The following KAZN variants were observed in gnomAD, a reference collection of about 807,000 sequenced individuals.
KAZN encodes the protein kazrin, periplakin interacting protein.
In KAZN, 40 loss-of-function variants were observed where a neutral mutation model predicts 87.4. The observed-to-expected ratio is 0.46, with a 90% CI of 0.36 to 0.60. The LOEUF (loss-of-function observed/expected upper bound fraction) is 0.60. Among genes scored for constraint, KAZN ranks in the 20% least tolerant of loss-of-function variants. The pLI is 0.00. For synonymous variants in KAZN, 466 were observed against 458.3 expected, an observed-to-expected ratio of 1.02 and a Z score of -0.22; for missense variants, 898 against 1,073.9, an observed-to-expected ratio of 0.84 and a Z score of 2.29.
At chr1:14,419,367 A>ATC (rs1665154591) in intron 2 of KAZN, among the ~76,000 whole-genome samples, 1 of 152,074 alleles carries the variant, frequency 6.6e-6, no homozygotes, top group African/African-American at 2.4e-5. Flanking sequence ...GGCCATCCCC[A>ATC]TCTATCTCAT....
chr1:14,044,866 A>G (rs1001771375), intron 1 of KAZN, among the ~76,000 whole-genome samples: 2 of 152,220 alleles, frequency 1.3e-5, no homozygotes, highest in African/African-American at 2.4e-5. Context: ...AAATGATGTT[A>G]TGAGATTTCT....
intron 1 of KAZN, among the ~76,000 whole-genome samples, chr1:14,161,204 G>C (rs1346187446): frequency 6.6e-6 from 1 of 152,208 alleles, no homozygotes; most frequent in Non-Finnish European, 1.5e-5. Flanking sequence ...GCTATCTATT[G>C]CTGTATAAGA....
At chr1:14,344,893 C>T (rs528599472) in intron 2 of KAZN, among the ~76,000 whole-genome samples, 214 of 151,836 alleles carry the variant, frequency 1.4e-3, no homozygotes, top group African/African-American at 4.9e-3. Flanking sequence ...TCAACACAAA[C>T]ACACACCATT....
At chr1:14,863,815 G>C (rs1225256176) in intron 1 of KAZN, among the ~76,000 whole-genome samples, 2 of 152,138 alleles carry the variant, frequency 1.3e-5, no homozygotes, top group South Asian at 4.1e-4. Flanking sequence ...AGTCGGAGTA[G>C]GGGCACAGAG....
intron 1 of KAZN, among the ~76,000 whole-genome samples, chr1:14,844,668 G>C (rs564422036): frequency 2.6e-5 from 4 of 152,332 alleles, no homozygotes; most frequent in African/African-American, 9.6e-5. Context: ...TCAGATGATA[G>C]AGCCCCTTTC....
chr1:14,190,752 C>T (rs1246554627), intron 2 of KAZN, among the ~76,000 whole-genome samples: 3 of 152,110 alleles, frequency 2.0e-5, no homozygotes, highest in Non-Finnish European at 2.9e-5. Context: ...CTGAGTCCCT[C>T]CTAGACTAGC....
At chr1:14,354,996 T>C (rs1441804779) in intron 2 of KAZN, among the ~76,000 whole-genome samples, 1 of 152,022 alleles carries the variant, frequency 6.6e-6, no homozygotes, top group South Asian at 2.1e-4. Flanking sequence ...GTTGATACAA[T>C]GGGATATTAC....
At chr1:14,685,895 C>T (rs929655879) in intron 1 of KAZN, among the ~76,000 whole-genome samples, 4 of 152,078 alleles carry the variant, frequency 2.6e-5, no homozygotes, top group Admixed American at 1.3e-4. Flanking sequence ...ATTCCCATAA[C>T]TCCGTGGGAT....
intron 1 of KAZN, among the ~76,000 whole-genome samples, chr1:14,720,613 G>A (rs541543302): frequency 6.6e-6 from 1 of 152,228 alleles, no homozygotes; most frequent in African/African-American, 2.4e-5. Flanking sequence ...TTAACTTTCT[G>A]TGCAATCTTC....
At chr1:14,883,407 G>GA (rs1354416074) in intron 1 of KAZN, among the ~76,000 whole-genome samples, 1 of 142,068 alleles carries the variant, frequency 7.0e-6, no homozygotes, top group Non-Finnish European at 1.5e-5. Context: ...AAGAAAGAAA[G>GA]AAAGAAAGAA....
At chr1:15,053,309 C>T (rs965443159) in intron 4 of KAZN, among the ~76,000 whole-genome samples, 3 of 152,108 alleles carry the variant, frequency 2.0e-5, no homozygotes, top group Admixed American at 2.0e-4. Context: ...TGTGGGTCTC[C>T]GTGATGCTAG....
At chr1:14,260,966 ATACCTGTAGTAATACATACTCTT>A (rs1386258732) in intron 2 of KAZN, among the ~76,000 whole-genome samples, 3 of 152,230 alleles carry the variant, frequency 2.0e-5, no homozygotes, top group Non-Finnish European at 4.4e-5. Context: ...CACGACAATG[ATACCTGTAGTAATACATACTCTT>A]TACATGTGAA....
chr1:14,145,773 G>C (rs1057321263), intron 1 of KAZN, among the ~76,000 whole-genome samples: 5 of 152,114 alleles, frequency 3.3e-5, no homozygotes, highest in African/African-American at 1.2e-4. Context: ...TAGAGACAGG[G>C]TTTCGCCATG....
At chr1:15,061,916 G>C (rs1297485484) in intron 6 of KAZN, 1 of 152,190 alleles carries the variant, frequency 6.6e-6, no homozygotes, top group African/African-American at 2.4e-5. Context: ...TTGACTAACA[G>C]AACCAAGGCA....
At chr1:14,890,839 A>ATTT (rs1654630602) in intron 1 of KAZN, among the ~76,000 whole-genome samples, 7 of 42,216 alleles carry the variant, frequency 1.7e-4, no homozygotes, top group Admixed American at 4.8e-4. Context: ...AGGAATCTGG[A>ATTT]CTTTTTTTTT....
At chr1:14,878,428 G>A (rs1045919926) in intron 1 of KAZN, among the ~76,000 whole-genome samples, 4 of 151,708 alleles carry the variant, frequency 2.6e-5, no homozygotes, top group Admixed American at 2.6e-4. Context: ...TCTCAACTGG[G>A]TACCAAAATC....
At chr1:14,730,165 C>A (rs564491447) in intron 1 of KAZN, among the ~76,000 whole-genome samples, 1 of 152,198 alleles carries the variant, frequency 6.6e-6, no homozygotes, top group East Asian at 1.9e-4. Context: ...CTTACTGAAA[C>A]CTCTGCCTCC....
At chr1:14,447,139 G>A (rs904451347) in intron 2 of KAZN, among the ~76,000 whole-genome samples, 13 of 151,518 alleles carry the variant, frequency 8.6e-5, no homozygotes, top group Admixed American at 2.6e-4. Flanking sequence ...GCTAAAGCCA[G>A]AGCCTCTGGT....
At chr1:14,038,676 C>A (rs10733140) in intron 1 of KAZN, among the ~76,000 whole-genome samples, 110,692 of 151,996 alleles carry the variant, frequency 0.73, 40,390 homozygotes, top group Admixed American at 0.83. Flanking sequence ...AGGGTCTCTG[C>A]CTTTCAAAGG....
Sources: gnomAD v4.1 joint callset for allele counts (sites outside exome capture counted in the v4.1 genomes callset) on GRCh38, gnomAD v4.1.1 for gene constraint, MANE v1.5 for transcripts, NCBI Gene and HGNC (gene_info 2026-07-23, HGNC 2026-07-21) for gene names.